SH3D19: variants seen among roughly 807,000 people sequenced by gnomAD.
The protein encoded by SH3D19 is SH3 domain containing 19, also known as SH3 domain-containing protein 19.
Under a neutral mutation model 112.1 loss-of-function variants are expected in SH3D19, and 58 were observed. The observed-to-expected ratio is 0.52, with a 90% CI of 0.42 to 0.64. The LOEUF is 0.64. SH3D19 is among the 30% of genes least tolerant of loss of function. The pLI is 0.00. For synonymous variants in SH3D19, 391 were observed against 448.5 expected, an observed-to-expected ratio of 0.87 and a Z score of 1.62; for missense variants, 1,090 against 1,263.4, an observed-to-expected ratio of 0.86 and a Z score of 2.08.
chr4:151,203,164 G>A (rs1764631635), intron 2 of SH3D19, among the ~76,000 whole-genome samples: 1 of 152,084 alleles, frequency 6.6e-6, no homozygotes, highest in Non-Finnish European at 1.5e-5. Flanking sequence ...AAAAAGACAG[G>A]TGGAATTCCC....
chr4:151,259,204 G>A (rs189381303), intron 1 of SH3D19, among the ~76,000 whole-genome samples: 208 of 152,128 alleles, frequency 1.4e-3, no homozygotes, highest in Non-Finnish European at 2.3e-3. Context: ...GACAAATATT[G>A]TACCTCACTT....
In SH3D19 at chr4:151,187,432, T is replaced by A; in HGVS notation, c.184A>T (p.Ile62Phe). Residue 62 changes from isoleucine to phenylalanine, a missense_variant, in exon 3 of 20, where the codon ATC becomes TTC. Coordinates refer to ENST00000604030, the MANE Select transcript of SH3D19 (RefSeq NM_001378122.1). ...QGPLSSIRAV[I>F]KRSSRTSIQS... ...GAAAAAACAAACTTACATCTCTTGA[T>A]TACCGCTCTAATGGATGACAAGGGT... 3 of 1,228,646 alleles carry A rather than the reference T, an allele frequency of 2.4e-6. No homozygotes were observed. The highest frequency in any genetic ancestry group is 3.0e-6 in the Non-Finnish European group (3 of 984,788). 76.1% of individuals were successfully genotyped at this position (1,228,646 alleles called of 1,614,324 possible).
At chr4:151,224,229 A>G (rs1768587940) in intron 2 of SH3D19, among the ~76,000 whole-genome samples, 1 of 152,202 alleles carries the variant, frequency 6.6e-6, no homozygotes, top group African/African-American at 2.4e-5. Flanking sequence ...GAATGGCGTC[A>G]ATCCAGGAGG....
Position 151,176,685 on chromosome 4 carries a change from G to C in SH3D19, c.378C>G (p.Leu126=). The C allele has an allele frequency of 2.4e-6, 3 of 1,231,980 alleles. No homozygotes were observed. Among genetic ancestry groups the C allele is most frequent in the Non-Finnish European group, 2.0e-6 (2 of 987,830 alleles). The allele number at this position is 1,231,980 out of a possible 1,614,324, so 76.3% of individuals were successfully genotyped here. The stretch of plus-strand genomic sequence containing the variant: ...TTATAACTTGTTCATAAGATGGTGG[G>C]AGCTGAAAAGTAAAGAATGAAGATT... ...WRPNELVPAE[L]PPSYEQVIKE... The change falls in exon 6 of 20, where the codon CTC becomes CTG. Residue 126 remains leucine, a splice_region_variant and synonymous_variant. Coordinates refer to ENST00000604030, the MANE Select transcript of SH3D19 (RefSeq NM_001378122.1).
intron 1 of SH3D19, chr4:151,262,681 TC>T (rs1772471619): frequency 2.7e-5 from 3 of 112,532 alleles, no homozygotes. Flanking sequence ...CATTCTTCTC[TC>T]TCTCTCTCTC....
intron 2 of SH3D19, among the ~76,000 whole-genome samples, chr4:151,213,612 T>C (rs1453172330): frequency 6.6e-6 from 1 of 152,100 alleles, no homozygotes; most frequent in Non-Finnish European, 1.5e-5. Flanking sequence ...ACCACAGCAT[T>C]CCAGCCTGGG....
intron 1 of SH3D19, among the ~76,000 whole-genome samples, chr4:151,268,893 A>G (rs915243501): frequency 6.6e-6 from 1 of 152,126 alleles, no homozygotes; most frequent in South Asian, 2.1e-4. Flanking sequence ...TAGTGCCACA[A>G]TAAACATATG....
At chr4:151,130,836 G>A (rs1310861034) in intron 17 of SH3D19, among the ~76,000 whole-genome samples, 1 of 151,852 alleles carries the variant, frequency 6.6e-6, no homozygotes, top group East Asian at 1.9e-4. Context: ...GCTTACTCAG[G>A]AGGTTGAGTC....
chr4:151,322,556 G>A (rs1194095148), intron 1 of SH3D19, among the ~76,000 whole-genome samples: 17 of 142,364 alleles, frequency 1.2e-4, no homozygotes, highest in African/African-American at 4.5e-4. Context: ...TCATGCTGAA[G>A]ATATTTTATT....
intron 1 of SH3D19, among the ~76,000 whole-genome samples, chr4:151,313,295 C>T (rs920241934): frequency 1.3e-5 from 2 of 151,698 alleles, no homozygotes; most frequent in East Asian, 1.9e-4. Context: ...AGGAGAAATA[C>T]GAAAGGAACA....
At chr4:151,270,118 TAATA>T (rs1426609377) in intron 1 of SH3D19, among the ~76,000 whole-genome samples, 1 of 152,154 alleles carries the variant, frequency 6.6e-6, no homozygotes, top group Admixed American at 6.6e-5. Context: ...AAGTATAGCA[TAATA>T]AATACATAAA....
intron 1 of SH3D19, among the ~76,000 whole-genome samples, chr4:151,283,559 C>T (rs2150010515): frequency 6.7e-6 from 1 of 149,494 alleles, no homozygotes; most frequent in East Asian, 2.0e-4. Context: ...GCTCTGTCAC[C>T]CAGGCTTGAG....
At chr4:151,277,170 G>A (rs765784310) in intron 1 of SH3D19, 1 of 1,479,292 alleles carries the variant, frequency 6.8e-7, no homozygotes, top group South Asian at 1.4e-5. Flanking sequence ...TGAGGACAGA[G>A]ACATGGGCCC....
intron 1 of SH3D19, among the ~76,000 whole-genome samples, chr4:151,257,698 C>T (rs1311904496): frequency 6.6e-6 from 1 of 152,024 alleles, no homozygotes; most frequent in Non-Finnish European, 1.5e-5. Context: ...GGGAGGATTG[C>T]TTGAGTCCTG....
chr4:151,130,666 G>T (rs1037327937), intron 17 of SH3D19, among the ~76,000 whole-genome samples: 14 of 152,276 alleles, frequency 9.2e-5, no homozygotes, highest in Middle Eastern at 6.8e-3. Context: ...AGAAGGCCAG[G>T]CGCAGTGGCT....
At chr4:151,212,515 A>G (rs1766134133) in intron 2 of SH3D19, among the ~76,000 whole-genome samples, 1 of 152,234 alleles carries the variant, frequency 6.6e-6, no homozygotes, top group African/African-American at 2.4e-5. Context: ...CAGTGGAACA[A>G]CAAAGCCTAG....
chr4:151,275,584 C>G (rs935543451), intron 1 of SH3D19, among the ~76,000 whole-genome samples: 2 of 152,164 alleles, frequency 1.3e-5, no homozygotes, highest in African/African-American at 4.8e-5. Flanking sequence ...CACAGTGGTA[C>G]AGTCATAGCT....
At chr4:151,191,659 CT>C (rs561050619) in intron 2 of SH3D19, among the ~76,000 whole-genome samples, 79 of 150,178 alleles carry the variant, frequency 5.3e-4, no homozygotes, top group African/African-American at 1.9e-3. Context: ...TTTTTTTTTT[CT>C]TTTGAGATGG....
intron 1 of SH3D19, among the ~76,000 whole-genome samples, chr4:151,285,817 T>C (rs1399511972): frequency 6.6e-6 from 1 of 151,972 alleles, no homozygotes; most frequent in Non-Finnish European, 1.5e-5. Flanking sequence ...TAGTGAGCTA[T>C]GATCACACCA....
Sources: allele counts gnomAD v4.1 joint callset (sites outside exome capture counted in the v4.1 genomes callset), GRCh38; gene constraint gnomAD v4.1.1; transcripts MANE v1.5; gene names NCBI Gene and HGNC (gene_info 2026-07-23, HGNC 2026-07-21).